WWOX: variants seen among roughly 807,000 people sequenced by gnomAD.
WWOX encodes WW domain containing oxidoreductase, also known as WW domain-containing oxidoreductase.
Under a neutral mutation model 46.2 loss-of-function variants are expected in WWOX, and 69 were observed. The ratio of observed to expected loss-of-function variants is 1.49; its 90% CI spans 1.23 to 1.82. The LOEUF (loss-of-function observed/expected upper bound fraction) is 1.82, where lower values mean the gene tolerates loss of function less well. Ranked by LOEUF, WWOX falls within the 40% of genes most tolerant of loss-of-function variation. WWOX has a pLI of 0.00. For synonymous variants in WWOX, 359 were observed against 202.6 expected (o/e 1.77, Z -6.56); for missense variants, 919 against 542.6 (o/e 1.69, Z -6.89).
At chr16:78,688,212 A>C (rs1281353815) in intron 8 of WWOX, among the ~76,000 whole-genome samples, 1 of 152,106 alleles carries the variant, frequency 6.6e-6, no homozygotes, top group Non-Finnish European at 1.5e-5. Flanking sequence ...CAAGATGTCC[A>C]AATGTTTTGA....
At chr16:78,484,283 A>G (rs1326250217) in intron 8 of WWOX, among the ~76,000 whole-genome samples, 1 of 152,214 alleles carries the variant, frequency 6.6e-6, no homozygotes, top group Non-Finnish European at 1.5e-5. Flanking sequence ...CATTTGTCTT[A>G]AAAATTGAAA....
At chr16:78,442,070 G>C (rs566864196) in intron 8 of WWOX, among the ~76,000 whole-genome samples, 2 of 151,836 alleles carry the variant, frequency 1.3e-5, no homozygotes, top group East Asian at 3.9e-4. Context: ...CTGGGAGTTG[G>C]AGGCTGCAGT....
intron 5 of WWOX, among the ~76,000 whole-genome samples, chr16:78,369,830 G>C (rs1482396979): frequency 6.6e-6 from 1 of 152,078 alleles, no homozygotes; most frequent in Non-Finnish European, 1.5e-5. Flanking sequence ...AGGCAGCACA[G>C]TGCTGTAATG....
At chr16:78,977,232 A>G (rs2046590354) in intron 8 of WWOX, among the ~76,000 whole-genome samples, 1 of 152,196 alleles carries the variant, frequency 6.6e-6, no homozygotes, top group Non-Finnish European at 1.5e-5. Flanking sequence ...GAGCCCTGAG[A>G]GCTCTTCAAA....
intron 8 of WWOX, among the ~76,000 whole-genome samples, chr16:79,209,777 C>T (rs2051653671): frequency 6.6e-6 from 1 of 152,140 alleles, no homozygotes; most frequent in Non-Finnish European, 1.5e-5. Flanking sequence ...CCCTTTTCCC[C>T]ACATGGGATG....
intron 8 of WWOX, among the ~76,000 whole-genome samples, chr16:78,648,002 T>G (rs989345313): frequency 6.6e-6 from 1 of 152,224 alleles, no homozygotes; most frequent in Admixed American, 6.5e-5. Context: ...GTATTTTCCA[T>G]TATTCATTTG....
chr16:78,693,059 C>G (rs527894626), intron 8 of WWOX, among the ~76,000 whole-genome samples: 1 of 152,200 alleles, frequency 6.6e-6, no homozygotes, highest in East Asian at 1.9e-4. Context: ...ATTTGCCATC[C>G]AGAGCTTGCC....
At chr16:78,583,505 A>G (rs928698294) in intron 8 of WWOX, among the ~76,000 whole-genome samples, 1 of 152,214 alleles carries the variant, frequency 6.6e-6, no homozygotes, top group African/African-American at 2.4e-5. Context: ...CCCAGGTCAT[A>G]AAATGTAATG....
intron 8 of WWOX, among the ~76,000 whole-genome samples, chr16:78,626,221 C>G (rs370570152): frequency 2.0e-5 from 3 of 151,938 alleles, no homozygotes; most frequent in Non-Finnish European, 4.4e-5. Flanking sequence ...ACCTCCGCCT[C>G]GCAGGTTTAA....
chr16:78,269,738 A>C (rs2079437259), intron 5 of WWOX, among the ~76,000 whole-genome samples: 1 of 152,216 alleles, frequency 6.6e-6, no homozygotes, highest in African/African-American at 2.4e-5. Flanking sequence ...GCTTCTGGCC[A>C]GTAGAATTAA....
chr16:78,532,747 T>C (rs1219057311), intron 8 of WWOX, among the ~76,000 whole-genome samples: 2 of 151,156 alleles, frequency 1.3e-5, no homozygotes, highest in Non-Finnish European at 3.0e-5. Flanking sequence ...TATGATACCG[T>C]CAGATTCCTT....
intron 8 of WWOX, among the ~76,000 whole-genome samples, chr16:78,568,255 T>G (rs1044190261): frequency 7.2e-5 from 11 of 152,036 alleles, no homozygotes; most frequent in Admixed American, 6.5e-5. Context: ...AGAAAATATA[T>G]GAGGTACGGG....
intron 5 of WWOX, among the ~76,000 whole-genome samples, chr16:78,214,887 G>T (rs2036668779): frequency 1.3e-5 from 2 of 151,922 alleles, no homozygotes; most frequent in African/African-American, 4.8e-5. Flanking sequence ...GGAAACTAGG[G>T]ATACTACTTG....
intron 8 of WWOX, among the ~76,000 whole-genome samples, chr16:78,990,551 C>T (rs529259794): frequency 3.3e-5 from 5 of 152,366 alleles, no homozygotes; most frequent in African/African-American, 1.2e-4. Flanking sequence ...TCTTTGTTTA[C>T]ACCGGGGAGC....
chr16:78,282,843 A>C lies in WWOX; in HGVS notation c.517-104017A>C, dbSNP rs1455686338. ...CAGTGAGCCGAGATCGTGCCGTTGC[A>C]CTCCAGCCTGAGTGACAAGAGCAAC... is the stretch of plus-strand genomic sequence containing the variant. On this transcript the variant is annotated intron_variant, in intron 5 of 8. Coordinates refer to ENST00000566780, the MANE Select transcript of WWOX (RefSeq NM_016373.4). Among the ~76,000 whole-genome samples the C allele has an allele frequency of 3.7e-5, 5 of 136,248 alleles. No individual in the cohort carries two copies. In the East Asian group the frequency reaches 1.1e-3, roughly 31 times the overall value. 89.4% of individuals were successfully genotyped at this position (136,248 alleles called of 152,430 possible).
rs979625435 is a variant in WWOX at position 78,128,761 on chromosome 16, C to G, written c.409+13607C>G. On this transcript the variant is annotated intron_variant, in intron 4 of 8. Transcript: ENST00000566780. ...TGGCTATAAGGATGAACTCTCAAAA[C>G]TTTTTGTATCTTGCAATATAATGTC... is the stretch of plus-strand genomic sequence containing the variant. 2.6e-5 allele frequency among the ~76,000 whole-genome samples: 4 copies of G among 151,710 alleles called. No individual in the cohort carries two copies. In the South Asian group the frequency reaches 6.2e-4, roughly 24 times the overall value.
chr16:78,947,424 C>G (rs777444230), intron 8 of WWOX, among the ~76,000 whole-genome samples: 12 of 152,176 alleles, frequency 7.9e-5, no homozygotes, highest in Non-Finnish European at 1.5e-4. Flanking sequence ...GTGCATCTTG[C>G]TTTTGAGTGC....
At chr16:78,764,904 C>T (rs770577495) in intron 8 of WWOX, among the ~76,000 whole-genome samples, 1 of 152,038 alleles carries the variant, frequency 6.6e-6, no homozygotes, top group African/African-American at 2.4e-5. Flanking sequence ...CTTTTAAAAA[C>T]GCAAGTGTTG....
At chr16:78,099,926 C>G (rs532214535) in intron 1 of WWOX, 41 bp downstream of exon 1, 12 of 1,545,700 alleles carry the variant, frequency 7.8e-6, no homozygotes, top group Non-Finnish European at 1.0e-5. Flanking sequence ...ACCTGGGACC[C>G]TGCACAGCCC....
Sources: gnomAD v4.1 joint callset for allele counts (sites outside exome capture counted in the v4.1 genomes callset) on GRCh38, gnomAD v4.1.1 for gene constraint, MANE v1.5 for transcripts, NCBI Gene and HGNC (gene_info 2026-07-23, HGNC 2026-07-21) for gene names.